CNTNAP2: variants seen among roughly 807,000 people sequenced by gnomAD.
The protein encoded by CNTNAP2 is contactin associated protein 2.
A neutral mutation model predicts 155.2 loss-of-function variants in CNTNAP2; 98 were observed. That is an observed-to-expected ratio of 0.63 (90% CI 0.54 to 0.75). The LOEUF (loss-of-function observed/expected upper bound fraction) is 0.75. CNTNAP2 is among the 30% of genes least tolerant of loss of function. The pLI, the probability that CNTNAP2 is intolerant of heterozygous loss-of-function variation, is 0.00. For missense variants in CNTNAP2, 1,727 were observed against 1,688.1 expected, an observed-to-expected ratio of 1.02 and a Z score of -0.40; for synonymous variants, 651 against 631.2, an observed-to-expected ratio of 1.03 and a Z score of -0.47.
intron 13 of CNTNAP2, among the ~76,000 whole-genome samples, chr7:147,644,177 C>T (rs1202177631): frequency 6.6e-6 from 1 of 152,022 alleles, no homozygotes; most frequent in Admixed American, 6.6e-5. Flanking sequence ...TTAGTTCTAC[C>T]CAAACAGAGA....
intron 10 of CNTNAP2, among the ~76,000 whole-genome samples, chr7:147,470,577 T>C (rs1028362424): frequency 6.6e-6 from 1 of 152,004 alleles, no homozygotes; most frequent in African/African-American, 2.4e-5. Context: ...TATGATAGTG[T>C]CTTGGATTGG....
At chr7:146,147,971 C>T (rs866240934) in intron 1 of CNTNAP2, among the ~76,000 whole-genome samples, 4 of 152,016 alleles carry the variant, frequency 2.6e-5, no homozygotes, top group African/African-American at 9.7e-5. Flanking sequence ...ACCTTGAAAT[C>T]ATTTTTAGAT....
chr7:146,627,240 C>T (rs1328376914), intron 1 of CNTNAP2, among the ~76,000 whole-genome samples: 1 of 152,130 alleles, frequency 6.6e-6, no homozygotes, highest in Non-Finnish European at 1.5e-5. Flanking sequence ...TCACCTCCCA[C>T]CATCTTCCTT....
In CNTNAP2 at chr7:146,673,570, C is replaced by A. The variant is rs140464538; in HGVS notation, c.98-100701C>A. Among the ~76,000 whole-genome samples, 3 of 152,276 alleles carry A rather than the reference C, an allele frequency of 2.0e-5. 1 individual carries two copies. Among genetic ancestry groups the A allele is most frequent in the African/African-American group, 7.2e-5 (3 of 41,548 alleles). On this transcript the variant is annotated intron_variant, in intron 1 of 23. Transcript: ENST00000361727. ...CAAGTAGCCAAGTCTCATCCCATTA[C>A]GACAACCATACTTCAATCACACACA...
intron 1 of CNTNAP2, among the ~76,000 whole-genome samples, chr7:146,479,383 C>T (rs1174221268): frequency 6.6e-6 from 1 of 152,134 alleles, no homozygotes; most frequent in Non-Finnish European, 1.5e-5. Flanking sequence ...TTATTCTAAA[C>T]CTCTGTCTGA....
chr7:147,055,498 G>A (rs1299610175), intron 4 of CNTNAP2, among the ~76,000 whole-genome samples: 1 of 152,188 alleles, frequency 6.6e-6, no homozygotes, highest in Admixed American at 6.5e-5. Flanking sequence ...ATGGGTAAGG[G>A]AGGATTCCTG....
intron 8 of CNTNAP2, among the ~76,000 whole-genome samples, chr7:147,200,182 G>GA (rs549254351): frequency 3.3e-5 from 5 of 150,010 alleles, no homozygotes; most frequent in East Asian, 3.9e-4. Flanking sequence ...CAGTGCTCAA[G>GA]AAAAAAAAAT....
chr7:146,723,420 A>G (rs1336551186), intron 1 of CNTNAP2, among the ~76,000 whole-genome samples: 1 of 152,210 alleles, frequency 6.6e-6, no homozygotes. Flanking sequence ...GTACATTACT[A>G]TAGCAGCCCT....
intron 1 of CNTNAP2, among the ~76,000 whole-genome samples, chr7:146,724,957 G>C (rs975367273): frequency 6.6e-6 from 1 of 152,106 alleles, no homozygotes; most frequent in African/African-American, 2.4e-5. Flanking sequence ...CAACAGAAAT[G>C]TATTCTCTCA....
At chr7:148,192,517 A>G (rs146257708) in intron 18 of CNTNAP2, among the ~76,000 whole-genome samples, 362 of 151,938 alleles carry the variant, frequency 2.4e-3, no homozygotes, top group South Asian at 5.4e-3. Flanking sequence ...ACGAAAAGAA[A>G]GAAATGGATG....
At chr7:146,540,641 A>C (rs762650055) in intron 1 of CNTNAP2, among the ~76,000 whole-genome samples, 1 of 151,998 alleles carries the variant, frequency 6.6e-6, no homozygotes. Flanking sequence ...AGAGGAAGTG[A>C]TTAAAATCTA....
At chr7:148,230,078 G>A (rs1250611159) in intron 20 of CNTNAP2, among the ~76,000 whole-genome samples, 1 of 152,132 alleles carries the variant, frequency 6.6e-6, no homozygotes, top group Non-Finnish European at 1.5e-5. Flanking sequence ...TTTATCCATT[G>A]CACCATCTTT....
chr7:148,404,211 T>C (rs1045691933), intron 22 of CNTNAP2, among the ~76,000 whole-genome samples: 14 of 152,252 alleles, frequency 9.2e-5, no homozygotes, highest in African/African-American at 3.4e-4. Context: ...GCATTGTTAG[T>C]CACTGGAACT....
At chr7:146,908,619 A>G (rs1796200050) in intron 3 of CNTNAP2, among the ~76,000 whole-genome samples, 4 of 126,988 alleles carry the variant, frequency 3.1e-5, no homozygotes, top group South Asian at 2.9e-4. Flanking sequence ...CAAAGACACA[A>G]CATACCAGAA....
chr7:147,804,124 A>G (rs1584964169), intron 13 of CNTNAP2, among the ~76,000 whole-genome samples: 1 of 152,254 alleles, frequency 6.6e-6, no homozygotes, highest in Non-Finnish European at 1.5e-5. Context: ...CAGATGGTGC[A>G]TCTAGATCTT....
chr7:147,354,083 G>A (rs1328487089), intron 9 of CNTNAP2, among the ~76,000 whole-genome samples: 1 of 151,900 alleles, frequency 6.6e-6, no homozygotes, highest in Non-Finnish European at 1.5e-5. Context: ...CATTCTGTAG[G>A]TTGCCTAGTC....
chr7:148,283,724 A>G (rs929906320), intron 21 of CNTNAP2, among the ~76,000 whole-genome samples: 2 of 152,166 alleles, frequency 1.3e-5, no homozygotes, highest in East Asian at 1.9e-4. Flanking sequence ...CTGAAATGCT[A>G]TCTATTGCTC....
chr7:148,019,835 G>A (rs1802249532), intron 15 of CNTNAP2, among the ~76,000 whole-genome samples: 1 of 152,066 alleles, frequency 6.6e-6, no homozygotes, highest in Non-Finnish European at 1.5e-5. Flanking sequence ...CACTCAGGCT[G>A]GAGTGTAATG....
At chr7:147,485,050 G>A (rs1280652295) in intron 10 of CNTNAP2, among the ~76,000 whole-genome samples, 1 of 152,116 alleles carries the variant, frequency 6.6e-6, no homozygotes, top group African/African-American at 2.4e-5. Flanking sequence ...AGGAGAAAGG[G>A]TTTGTGCCAT....
Sources: gnomAD v4.1 joint callset for allele counts (sites outside exome capture counted in the v4.1 genomes callset) on GRCh38, gnomAD v4.1.1 for gene constraint, MANE v1.5 for transcripts, NCBI Gene and HGNC (gene_info 2026-07-23, HGNC 2026-07-21) for gene names.